The following GRK5 variants were observed in gnomAD, a reference collection of about 807,000 sequenced individuals.
GRK5 encodes G protein-coupled receptor kinase 5.
A neutral mutation model predicts 78.4 loss-of-function variants in GRK5; 40 were observed. The ratio of observed to expected loss-of-function variants is 0.51; its 90% confidence interval spans 0.40 to 0.66. The LOEUF is 0.66. Ranked by LOEUF, GRK5 falls within the 30% of genes least tolerant of loss-of-function variation. The pLI is 0.00. For synonymous variants in GRK5, 289 were observed against 296.8 expected (o/e 0.97, Z 0.27); for missense variants, 598 against 759.9 (o/e 0.79, Z 2.50).
chr10:119,344,681 C>T (rs761173314), intron 2 of GRK5, among the ~76,000 whole-genome samples: 28 of 152,198 alleles, frequency 1.8e-4, no homozygotes, highest in Non-Finnish European at 3.4e-4. Context: ...TGTCTCTTTG[C>T]CTGTGCTGTG....
chr10:119,295,381 A>T (rs1850062714), intron 1 of GRK5, among the ~76,000 whole-genome samples: 1 of 152,054 alleles, frequency 6.6e-6, no homozygotes, highest in Non-Finnish European at 1.5e-5. Context: ...AATGTAAACT[A>T]GTACAGCCAC....
At chr10:119,356,996 C>T (rs1024718951) in intron 2 of GRK5, among the ~76,000 whole-genome samples, 25 of 152,202 alleles carry the variant, frequency 1.6e-4, no homozygotes, top group African/African-American at 6.0e-4. Flanking sequence ...AATGTCTTTG[C>T]CCACCAAAGA....
intron 1 of GRK5, among the ~76,000 whole-genome samples, chr10:119,282,386 G>A (rs1849776417): frequency 6.6e-6 from 1 of 152,206 alleles, no homozygotes; most frequent in Non-Finnish European, 1.5e-5. Context: ...TGGCCCCAGT[G>A]CTGCTGTTCC....
rs902025067 is a variant in GRK5 at position 119,452,125 on chromosome 10, C to T, written c.1405-546C>T. Among the ~76,000 whole-genome samples, 2 of 152,212 alleles carry T rather than the reference C, an allele frequency of 1.3e-5. No individual in the cohort carries two copies. Among genetic ancestry groups the T allele is most frequent in the African/African-American group, 4.8e-5 (2 of 41,458 alleles). ...GATATGCCTACCATAATAATACCAGCTCCCAGTTACGGGCGCCAGGCTCGG... is the reference window on the plus strand; with the variant it reads ...GATATGCCTACCATAATAATACCAGTTCCCAGTTACGGGCGCCAGGCTCGG... On this transcript the variant is annotated intron_variant, in intron 13 of 15. Coordinates refer to ENST00000392870, the MANE Select transcript of GRK5 (RefSeq NM_005308.3). This position sits in a 1 kb window ranked among gnomAD's most constrained non-coding sequence, Gnocchi z 4.4.
chr10:119,384,692 G>T (rs749167854), intron 3 of GRK5, among the ~76,000 whole-genome samples: 3 of 127,690 alleles, frequency 2.3e-5, no homozygotes, highest in Non-Finnish European at 5.4e-5. Flanking sequence ...CGTAACAGTT[G>T]AGTGATGCTC....
At chr10:119,242,062 G>A (rs1445348129) in intron 1 of GRK5, among the ~76,000 whole-genome samples, 1 of 152,118 alleles carries the variant, frequency 6.6e-6, no homozygotes, top group African/African-American at 2.4e-5. Flanking sequence ...CCTGCTGTGG[G>A]GGAGGAGGGA....
chr10:119,439,892 G>T, intron 10 of GRK5, 124 bp downstream of exon 10: 1 of 819,562 alleles, frequency 1.2e-6, no homozygotes, highest in Non-Finnish European at 2.0e-6. Flanking sequence ...ACTGCTCAGT[G>T]CTGGGTACCT....
chr10:119,248,323 T>G (rs1849147192), intron 1 of GRK5, among the ~76,000 whole-genome samples: 1 of 152,220 alleles, frequency 6.6e-6, no homozygotes, highest in South Asian at 2.1e-4. Context: ...GTTGTCGTTA[T>G]TTTTGATCCA....
intron 3 of GRK5, among the ~76,000 whole-genome samples, chr10:119,382,234 G>GAGGCTCTGCCTTGGGCTTCGGGC (rs1277887442): frequency 1.3e-5 from 2 of 151,846 alleles, no homozygotes; most frequent in Non-Finnish European, 2.9e-5. Flanking sequence ...GGGCTTAGGG[G>GAGGCTCTGCCTTGGGCTTCGGGC]AGGCTCTGCC....
At chr10:119,371,799 A>T (rs1356823593) in intron 2 of GRK5, among the ~76,000 whole-genome samples, 1 of 152,182 alleles carries the variant, frequency 6.6e-6, no homozygotes, top group Non-Finnish European at 1.5e-5. Context: ...CTGATAGAGG[A>T]GATAGGATCT....
chr10:119,343,083 G>C (rs1303308927), intron 2 of GRK5, among the ~76,000 whole-genome samples: 1 of 152,192 alleles, frequency 6.6e-6, no homozygotes, highest in Non-Finnish European at 1.5e-5. Context: ...GAGATCCTTA[G>C]GAAGCTGTCT....
chr10:119,207,820 CAGCAGCGGCGGCAGCCCG>C lies in GRK5; in HGVS notation c.-88_-71del. On this transcript the variant is annotated 5_prime_UTR_variant, in exon 1 of 16. Transcript: ENST00000392870. ...GGGCTGCTGGCTCCCCCGGCTCCGG[CAGCAGCGGCGGCAGCCCG>C]AGCAGCGGCAGCAGCAGCGGCAGCA... The C allele has an allele frequency of 8.4e-7, 1 of 1,195,120 alleles. No homozygotes were observed. Among genetic ancestry groups the C allele is most frequent in the Non-Finnish European group, 1.2e-6 (1 of 858,392 alleles). The allele number at this position is 1,195,120 out of a possible 1,614,324, so 74.0% of individuals were successfully genotyped here. A position where few individuals can be genotyped will look rare whatever the true frequency, so the allele number is the denominator to read the frequency against.
chr10:119,370,641 G>T (rs927772273), intron 2 of GRK5, among the ~76,000 whole-genome samples: 1 of 152,188 alleles, frequency 6.6e-6, no homozygotes, highest in African/African-American at 2.4e-5. Context: ...CCTTTCAAAC[G>T]TCAGAGAGCT....
intron 4 of GRK5, among the ~76,000 whole-genome samples, chr10:119,416,284 G>A (rs1345086899): frequency 6.6e-6 from 1 of 152,266 alleles, no homozygotes; most frequent in Non-Finnish European, 1.5e-5. Context: ...GAGGCAGGGA[G>A]CAGTGCCGGG....
At chr10:119,237,455 C>T (rs1283627058) in intron 1 of GRK5, among the ~76,000 whole-genome samples, 1 of 152,170 alleles carries the variant, frequency 6.6e-6, no homozygotes, top group Non-Finnish European at 1.5e-5. Context: ...TGACTTAAAA[C>T]ATAATTTCAA....
At chr10:119,388,447 G>C (rs144023945) in intron 3 of GRK5, among the ~76,000 whole-genome samples, 4,437 of 152,150 alleles carry the variant, frequency 0.029, 190 homozygotes, top group East Asian at 0.17. Flanking sequence ...AGTGATTCTC[G>C]TGCCTCAGCC....
chr10:119,306,780 T>A (rs1564884767), intron 1 of GRK5, among the ~76,000 whole-genome samples: 1 of 152,108 alleles, frequency 6.6e-6, no homozygotes. Context: ...TGGGGAGCAC[T>A]TCCCCTCTTC....
chr10:119,371,645 G>A (rs914334058), intron 2 of GRK5, among the ~76,000 whole-genome samples: 3 of 152,178 alleles, frequency 2.0e-5, no homozygotes, highest in Admixed American at 6.5e-5. Flanking sequence ...CTGCCCTCCC[G>A]GAGCTCAGGG....
intron 10 of GRK5, among the ~76,000 whole-genome samples, chr10:119,441,033 G>A (rs1381182036): frequency 2.0e-5 from 3 of 152,218 alleles, no homozygotes; most frequent in Non-Finnish European, 2.9e-5. Flanking sequence ...GAACCTGGCA[G>A]CCCCCAGTAG....
Sources: allele counts gnomAD v4.1 joint callset (sites outside exome capture counted in the v4.1 genomes callset), GRCh38; gene constraint gnomAD v4.1.1; non-coding constraint Gnocchi (gnomAD v3.1); transcripts MANE v1.5; gene names NCBI Gene and HGNC (gene_info 2026-07-23, HGNC 2026-07-21).